NRXN3: variants seen among roughly 807,000 people sequenced by gnomAD.
NRXN3 encodes neurexin 3.
Under a neutral mutation model 137.6 loss-of-function variants are expected in NRXN3, and 32 were observed. The ratio of observed to expected loss-of-function variants is 0.23; its 90% CI spans 0.18 to 0.31. The LOEUF (loss-of-function observed/expected upper bound fraction) is 0.31. NRXN3 is among the 10% of genes least tolerant of loss of function. The pLI is 1.00. For synonymous variants in NRXN3, 798 were observed against 784.5 expected, an observed-to-expected ratio of 1.02 and a Z score of -0.29; for missense variants, 1,574 against 2,062.5, an observed-to-expected ratio of 0.76 and a Z score of 4.59.
intron 20 of NRXN3, among the ~76,000 whole-genome samples, chr14:79,828,976 T>C (rs2099314414): frequency 6.6e-6 from 1 of 152,196 alleles, no homozygotes; most frequent in Admixed American, 6.5e-5. Context: ...GATCGATTTA[T>C]AATTTACACA....
intron 15 of NRXN3, among the ~76,000 whole-genome samples, chr14:79,161,346 A>C (rs1185206947): frequency 1.3e-5 from 2 of 151,936 alleles, no homozygotes; most frequent in African/African-American, 2.4e-5. Context: ...ATCCCAGACT[A>C]TAGAAACTTC....
chr14:79,467,803 C>T lies in NRXN3; in HGVS notation c.3444+401C>T, dbSNP rs532784714. Among the ~76,000 whole-genome samples, 8 of 152,128 alleles carry T rather than the reference C, an allele frequency of 5.3e-5. No homozygotes were observed. In the East Asian group the frequency reaches 1.2e-3, roughly 22 times the overall value. On this transcript the variant is annotated intron_variant, in intron 16 of 20. Transcript: ENST00000335750. The stretch of plus-strand genomic sequence containing the variant: ...ATTTGGCAAACCTTCTGTAAAGAGA[C>T]GTATAGTAAATATTTTGGACTTTGC...
intron 15 of NRXN3, among the ~76,000 whole-genome samples, chr14:79,143,199 T>C (rs564469814): frequency 9.9e-5 from 15 of 152,234 alleles, no homozygotes; most frequent in Middle Eastern, 3.4e-3. Flanking sequence ...CCCAACAGGG[T>C]AGAACTCAGC....
At chr14:78,467,711 C>CA (rs980378499) in intron 4 of NRXN3, among the ~76,000 whole-genome samples, 1 of 152,194 alleles carries the variant, frequency 6.6e-6, no homozygotes, top group Non-Finnish European at 1.5e-5. Context: ...GACATGCATG[C>CA]AAGTGCAAGC....
At chr14:78,721,188 C>T (rs1157750716) in intron 8 of NRXN3, among the ~76,000 whole-genome samples, 1 of 152,170 alleles carries the variant, frequency 6.6e-6, no homozygotes, top group Admixed American at 6.5e-5. Context: ...CTCAGACTAT[C>T]TCACTGGTGT....
chr14:78,955,092 A>G (rs2099394442), intron 10 of NRXN3, among the ~76,000 whole-genome samples: 1 of 152,222 alleles, frequency 6.6e-6, no homozygotes, highest in Non-Finnish European at 1.5e-5. Flanking sequence ...ATGCCACCTT[A>G]TAGAAGATGT....
At chr14:79,434,978 C>T (rs554151593) in intron 15 of NRXN3, among the ~76,000 whole-genome samples, 12 of 152,248 alleles carry the variant, frequency 7.9e-5, no homozygotes, top group South Asian at 6.2e-4. Flanking sequence ...GCAAGTTGTC[C>T]GCAGCCAGGA....
Position 78,434,201 on chromosome 14 carries a change from C to G in NRXN3, c.757+136341C>G, listed in dbSNP as rs116991210. Among the ~76,000 whole-genome samples, 556 of 152,278 alleles carry G rather than the reference C, an allele frequency of 3.7e-3. 24 individuals carry two copies. In the East Asian group the frequency reaches 0.066, roughly 18 times the overall value. On this transcript the variant is annotated intron_variant, in intron 4 of 20. Transcript: ENST00000335750. ...TAAGGTGACTACTGAATGCGTAACA[C>G]TTTCACACCATCGTAAAGCTGAAAA...
Position 78,243,856 on chromosome 14 carries a change from G to C in NRXN3, c.709+54G>C. On this transcript the variant is annotated intron_variant, in intron 2 of 20. Transcript: ENST00000335750. The surrounding 1 kb of genome is among the most constrained non-coding windows in gnomAD (Gnocchi z 4.2). ...ACCCACCCACGGGATGGCTGAGGCTGGGGCTCCTGATACAAACCAGTTCTA... is the reference window on the plus strand; with the variant it reads ...ACCCACCCACGGGATGGCTGAGGCTCGGGCTCCTGATACAAACCAGTTCTA... 2.2e-6 allele frequency: 3 copies of C among 1,375,366 alleles called. No homozygotes were observed. The highest frequency in any genetic ancestry group is 3.0e-6 in the Non-Finnish European group (3 of 1,013,154). The allele number at this position is 1,375,366 out of a possible 1,614,324, so 85.2% of individuals were successfully genotyped here.
In NRXN3 at chr14:79,358,587, GAA is replaced by G. The variant is rs1340460062; in HGVS notation, c.3263-108632_3263-108631del. On this transcript the variant is annotated intron_variant, in intron 15 of 20. Transcript: ENST00000335750. The stretch of plus-strand genomic sequence containing the variant: ...AAAAAAAAAAAAAGAAAGAAAGAGA[GAA>G]AGAAAGAAAGAAAGAAAGAGAAAGA... Among the ~76,000 whole-genome samples, 4 of 93,132 alleles carry G rather than the reference GAA, an allele frequency of 4.3e-5. No individual in the cohort carries two copies. The South Asian group carries it at 1.9e-3, about 43-fold the overall frequency. The allele number at this position is 93,132 out of a possible 152,430, so 61.1% of individuals were successfully genotyped here. A position where few individuals can be genotyped will look rare whatever the true frequency, so the allele number is the denominator to read the frequency against.
At chr14:78,803,514 G>C in intron 8 of NRXN3, 106 bp from the exon 9 acceptor site, 2 of 985,014 alleles carry the variant, frequency 2.0e-6, no homozygotes, top group Non-Finnish European at 3.2e-6. Context: ...AAGTCACTAG[G>C]CTACAAATCT....
chr14:78,238,300 A>G (rs927153663), intron 1 of NRXN3, among the ~76,000 whole-genome samples: 12 of 152,150 alleles, frequency 7.9e-5, no homozygotes, highest in African/African-American at 2.7e-4. Flanking sequence ...TGATTCCCAC[A>G]CAACAGAGAA....
At chr14:79,374,360 G>A (rs2094199292) in intron 15 of NRXN3, among the ~76,000 whole-genome samples, 1 of 151,994 alleles carries the variant, frequency 6.6e-6, no homozygotes, top group African/African-American at 2.4e-5. Flanking sequence ...CTTTATGTTA[G>A]AGTTTAGGCA....
intron 8 of NRXN3, among the ~76,000 whole-genome samples, chr14:78,781,985 G>A (rs1351411604): frequency 2.0e-5 from 3 of 152,088 alleles, no homozygotes; most frequent in Non-Finnish European, 4.4e-5. Context: ...TGACCTTCTC[G>A]TTGGAAACCT....
chr14:78,559,379 A>G (rs1290116934), intron 4 of NRXN3, among the ~76,000 whole-genome samples: 2 of 152,154 alleles, frequency 1.3e-5, no homozygotes, highest in Non-Finnish European at 2.9e-5. Context: ...TAACTGCTGC[A>G]TAGCATTTCT....
intron 15 of NRXN3, among the ~76,000 whole-genome samples, chr14:79,403,652 A>G (rs1408505012): frequency 6.6e-6 from 1 of 152,162 alleles, no homozygotes; most frequent in Non-Finnish European, 1.5e-5. Context: ...CCCTGCATGT[A>G]GACTAAGGCT....
intron 15 of NRXN3, among the ~76,000 whole-genome samples, chr14:79,047,031 G>A (rs1489390824): frequency 6.6e-6 from 1 of 151,410 alleles, no homozygotes; most frequent in African/African-American, 2.4e-5. Context: ...GTTATTACTT[G>A]TAAAACACTT....
At chr14:78,630,595 TTC>T (rs1555407369) in intron 4 of NRXN3, among the ~76,000 whole-genome samples, 6,123 of 129,618 alleles carry the variant, frequency 0.047, 136 homozygotes, top group Middle Eastern at 0.12. Flanking sequence ...CTTTCTTTCT[TTC>T]TTTTTTTTTT....
chr14:79,514,910 T>A lies in NRXN3; in HGVS notation c.3444+47508T>A, dbSNP rs1044144874. On this transcript the variant is annotated intron_variant, in intron 16 of 20. Coordinates refer to ENST00000335750, the MANE Select transcript of NRXN3 (RefSeq NM_001330195.2). ...CGATTCTGTCTAGGGGGTAATGTGCTAGGGTGCAGTAAGTTAAGTGTTAGT... is the reference window on the plus strand; with the variant it reads ...CGATTCTGTCTAGGGGGTAATGTGCAAGGGTGCAGTAAGTTAAGTGTTAGT... Among the ~76,000 whole-genome samples, 4 of 151,080 alleles carry A rather than the reference T, an allele frequency of 2.6e-5. 1 individual carries two copies. Among genetic ancestry groups the A allele is most frequent in the African/African-American group, 9.9e-5 (4 of 40,360 alleles).
Sources: gnomAD v4.1 joint callset for allele counts (sites outside exome capture counted in the v4.1 genomes callset) on GRCh38, gnomAD v4.1.1 for gene constraint, Gnocchi (gnomAD v3.1) non-coding constraint, MANE v1.5 for transcripts, NCBI Gene and HGNC (gene_info 2026-07-23, HGNC 2026-07-21) for gene names.